Variants in POLD1 observed in about 807,000 individuals in gnomAD.
The protein encoded by POLD1 is DNA polymerase delta catalytic subunit.
POLD1 carries 79 observed loss-of-function variants against 129.7 expected under a neutral mutation model. The observed-to-expected ratio is 0.61, with a 90% CI of 0.51 to 0.73. The LOEUF (loss-of-function observed/expected upper bound fraction) is 0.73. Ranked by LOEUF, POLD1 falls within the 30% of genes least tolerant of loss-of-function variation. The pLI is 0.00. For synonymous variants in POLD1, 714 were observed against 683.3 expected, an observed-to-expected ratio of 1.04 and a Z score of -0.70; for missense variants, 1,338 against 1,595.8, an observed-to-expected ratio of 0.84 and a Z score of 2.75.
chr19:50,390,217 C>A (rs1340099456), intron 1 of POLD1, among the ~76,000 whole-genome samples: 1 of 150,162 alleles, frequency 6.7e-6, no homozygotes, highest in African/African-American at 2.5e-5. Flanking sequence ...CCAATAATTT[C>A]TTTTTTTCTT....
In POLD1 at chr19:50,402,329, G is replaced by A. The variant is rs149096523; in HGVS notation, c.714G>A (p.Thr238=). Residue 238 remains threonine (T), a synonymous_variant, in exon 6 of 27, where the codon ACG becomes ACA. Transcript: ENST00000440232. ...EQGIRVAGLG[T]PSFAPYEANV... is the part of the protein sequence containing the mutation. ...GCATCCGTGTGGCAGGCCTGGGCACGCCCAGCTTCGCGCCCTACGAGGCCA... is the reference window on the plus strand; with the variant it reads ...GCATCCGTGTGGCAGGCCTGGGCACACCCAGCTTCGCGCCCTACGAGGCCA... 4.1e-4 allele frequency: 657 copies of A among 1,610,868 alleles called. 1 individual carries two copies. Among genetic ancestry groups the A allele is most frequent in the Admixed American group, 5.3e-4 (32 of 59,848 alleles).
chr19:50,414,207 C>T (rs907995061), intron 19 of POLD1, among the ~76,000 whole-genome samples: 1 of 152,264 alleles, frequency 6.6e-6, no homozygotes, highest in Non-Finnish European at 1.5e-5. Flanking sequence ...TGCACCATTG[C>T]CCCTGGCCCT....
rs71182715 is a variant in POLD1 at position 50,400,133 on chromosome 19, ATTTTT to A, written c.316+673_316+677del. Among the ~76,000 whole-genome samples the A allele has an allele frequency of 1.5e-4, 7 of 48,154 alleles. No homozygotes were observed. In the South Asian group the frequency reaches 4.5e-3, roughly 31 times the overall value. 31.6% of individuals were successfully genotyped at this position (48,154 alleles called of 152,430 possible). ...CCAGCCCAATTTGACTTTTTAAAAGATTTTTTTTTTTTTTTTTTTTTTTTTTTTGA... is the reference window on the plus strand; with the variant it reads ...CCAGCCCAATTTGACTTTTTAAAAGATTTTTTTTTTTTTTTTTTTTTTTGA... On this transcript the variant is annotated intron_variant, in intron 3 of 26. Transcript: ENST00000440232.
Position 50,401,886 on chromosome 19 carries a change from A to G in POLD1, c.425A>G (p.His142Arg). ...GGGTTCTCTGTCTGCTGCCACATCC[A>G]CGGCTTCGCTCCCTACTTCTACACC... ...DEGFSVCCHI[H>R]GFAPYFYTPA... Residue 142 changes from histidine to arginine, a missense_variant, in exon 4 of 27, where the codon CAC becomes CGC. His to Arg is a conservative substitution (Grantham distance 29). Around this residue, in one of 3 missense-constraint regions of POLD1, gnomAD observed 332 missense variants for 315.7 expected, o/e 1.05. Coordinates refer to ENST00000440232, the MANE Select transcript of POLD1 (RefSeq NM_002691.4). 1.2e-6 allele frequency: 2 copies of G among 1,613,930 alleles called. No individual in the cohort carries two copies. Among genetic ancestry groups the G allele is most frequent in the Non-Finnish European group, 1.7e-6 (2 of 1,179,932 alleles).
chr19:50,417,682 ACCCCCC>A lies in POLD1; in HGVS notation c.3219-157_3219-152del, dbSNP rs1181000676. Among the ~76,000 whole-genome samples, 63 of 77,434 alleles carry A rather than the reference ACCCCCC, an allele frequency of 8.1e-4. 2 individuals are homozygous for A. In the East Asian group the frequency reaches 0.025, roughly 31 times the overall value. 50.8% of individuals were successfully genotyped at this position (77,434 alleles called of 152,430 possible). On this transcript the variant is annotated intron_variant, in intron 26 of 26. Coordinates refer to ENST00000440232, the MANE Select transcript of POLD1 (RefSeq NM_002691.4). Reference sequence around the variant, plus strand: ...CCGCTGTTATCGGCTCCCCCCCCCCACCCCCCCCGTGCCTGCTGAGCAAACAGCCCG... The same window carrying A: ...CCGCTGTTATCGGCTCCCCCCCCCCACCGTGCCTGCTGAGCAAACAGCCCG...
rs777260240 is a variant in POLD1, at chr19:50,401,863, G to A, written c.402G>A (p.Gly134=). ...VLRAFGVTDE[G]FSVCCHIHGF... ...GCGCCTTCGGGGTCACCGATGAGGG[G>A]TTCTCTGTCTGCTGCCACATCCACG... Residue 134 remains glycine (G), a synonymous_variant, in exon 4 of 27, where the codon GGG becomes GGA. Coordinates refer to ENST00000440232, the MANE Select transcript of POLD1 (RefSeq NM_002691.4). 6.2e-7 allele frequency: 1 copy of A among 1,613,892 alleles called. No homozygotes were observed. Among genetic ancestry groups the A allele is most frequent in the Non-Finnish European group, 8.5e-7 (1 of 1,179,972 alleles).
At chr19:50,388,661 G>T (rs2038048836) in intron 1 of POLD1, among the ~76,000 whole-genome samples, 1 of 152,072 alleles carries the variant, frequency 6.6e-6, no homozygotes, top group South Asian at 2.1e-4. Flanking sequence ...GAACAGCCAT[G>T]GCCCTTTGCC....
chr19:50,399,011 G>T lies in POLD1; in HGVS notation c.160G>T (p.Glu54Ter). 6.4e-7 allele frequency: 1 copy of T among 1,559,678 alleles called. No homozygotes were observed. The highest frequency in any genetic ancestry group is 2.4e-5 in the East Asian group (1 of 42,356). Residue 54 changes from glutamate (E) to a stop codon, truncating the protein, a stop_gained, in exon 2 of 27, where the codon GAG (glutamate) becomes TAG (stop). Coordinates refer to ENST00000440232, the MANE Select transcript of POLD1 (RefSeq NM_002691.4). LOFTEE classifies it high-confidence loss of function. ...MEAEHRLQEQ[E>*]EEELQSVLEG... ...GGCAGAACACAGGCTGCAGGAGCAG[G>T]AGGAGGAGGAGCTGCAGTCAGTCCT... is the stretch of plus-strand genomic sequence containing the variant.
At position 50,406,756 on chromosome 19, in the gene POLD1, C is replaced by T. The variant is rs532624330; in HGVS notation, c.1495-227C>T. 1.1e-4 allele frequency among the ~76,000 whole-genome samples: 17 copies of T among 152,246 alleles called. No individual in the cohort carries two copies. Among genetic ancestry groups the T allele is most frequent in the Non-Finnish European group, 2.2e-4 (15 of 68,002 alleles). On this transcript the variant is annotated intron_variant, in intron 12 of 26. Coordinates refer to ENST00000440232, the MANE Select transcript of POLD1 (RefSeq NM_002691.4). The surrounding 1 kb of genome is among the most constrained non-coding windows in gnomAD (Gnocchi z 5.5). ...CTTTCCTGGCCTGACCACAGGTCCA[C>T]GGTGGCCTTCAGGCTGCTCCCTCCT...
At chr19:50,390,132 C>G (rs2038105276) in intron 1 of POLD1, among the ~76,000 whole-genome samples, 1 of 152,044 alleles carries the variant, frequency 6.6e-6, no homozygotes, top group Admixed American at 6.6e-5. Context: ...TGGTCTCAAA[C>G]TCTTGACCTC....
rs1413272312 is a variant in POLD1 at position 50,402,215 on chromosome 19, G to A, written c.600G>A (p.Gly200=). The change falls in exon 6 of 27, where the codon GGG becomes GGA. Residue 200 remains glycine, a synonymous_variant. Coordinates refer to ENST00000440232, the MANE Select transcript of POLD1 (RefSeq NM_002691.4). ...TTCTTCCATCCACAGGCATGTTTGG[G>A]TACCACGGGCACGGCCCCTCCCCGT... The part of the protein sequence containing the change: ...VELCSRESMF[G]YHGHGPSPFL... 1.3e-6 allele frequency: 2 copies of A among 1,584,248 alleles called. No individual in the cohort carries two copies.
At chr19:50,414,174 G>C (rs1355285079) in intron 19 of POLD1, among the ~76,000 whole-genome samples, 1 of 152,260 alleles carries the variant, frequency 6.6e-6, no homozygotes, top group Non-Finnish European at 1.5e-5. Context: ...CAGGGACCCT[G>C]ATGGGGGTGC....
rs2038876789 is a variant in POLD1, at chr19:50,406,289, C to T, written c.1350C>T (p.Ser450=). Residue 450 remains serine, a synonymous_variant, in exon 11 of 27, where the codon AGC becomes AGT. Transcript: ENST00000440232. The surrounding 1 kb of genome is among the most constrained non-coding windows in gnomAD (Gnocchi z 5.5). ...GCCGGCGGGACACCAAGGTTGTCAG[C>T]ATGGTGGGCCGCGTGCAGATGGACA... ...QTGRRDTKVV[S]MVGRVQMDML... The T allele has an allele frequency of 3.1e-6, 5 of 1,614,030 alleles. No homozygotes were observed. The highest frequency in any genetic ancestry group is 4.2e-6 in the Non-Finnish European group (5 of 1,179,994).
chr19:50,400,370 G>A (rs531468533), intron 3 of POLD1, among the ~76,000 whole-genome samples: 127 of 149,014 alleles, frequency 8.5e-4, no homozygotes, highest in Non-Finnish European at 1.2e-3. Flanking sequence ...ACAGGCGCCC[G>A]CCATCACGCC....
chr19:50,411,547 A>G (rs2039088178), intron 17 of POLD1, among the ~76,000 whole-genome samples: 1 of 152,258 alleles, frequency 6.6e-6, no homozygotes, highest in Non-Finnish European at 1.5e-5. Flanking sequence ...AATAATAAAA[A>G]TGCAATGAAT....
rs1472994995 is a variant in POLD1 at position 50,413,825 on chromosome 19, C to T, written c.2334C>T (p.Ala778=). The part of the protein sequence containing the change: ...VAEAMALGRE[A]ADWVSGHFPS... ...AGGCGATGGCCCTGGGGCGGGAGGC[C>T]GCGGACTGGGTGTCAGGTCACTTCC... Residue 778 remains alanine, a synonymous_variant, in exon 19 of 27, where the codon GCC becomes GCT. Transcript: ENST00000440232. 12 of 1,612,332 alleles carry T rather than the reference C, an allele frequency of 7.4e-6. No individual in the cohort carries two copies. Among genetic ancestry groups the T allele is most frequent in the South Asian group, 2.2e-5 (2 of 90,960 alleles).
Position 50,409,148 on chromosome 19 carries a change from C to T in POLD1, c.1919C>T (p.Thr640Ile), listed in dbSNP as rs771527077. 1 of 1,612,866 alleles carries T rather than the reference C, an allele frequency of 6.2e-7. No individual in the cohort carries two copies. The highest frequency in any genetic ancestry group is 8.5e-7 in the Non-Finnish European group (1 of 1,178,996). ...CTGACTGAGGATCAGTTCATCAGGACCCCCACCGGGGACGAGTTTGTGAAG... is the reference window on the plus strand; with the variant it reads ...CTGACTGAGGATCAGTTCATCAGGATCCCCACCGGGGACGAGTTTGTGAAG... ...LGLTEDQFIR[T>I]PTGDEFVKTS... The change falls in exon 16 of 27, where the codon ACC (threonine) becomes ATC (isoleucine). Residue 640 changes from threonine (T) to isoleucine (I), a missense_variant. Physicochemically the swap from Thr to Ile is moderately conservative, Grantham distance 89 (BLOSUM62 -1). This residue lies in a region of POLD1 where 720 missense variants were observed against 1,002.6 expected (regional missense o/e 0.72). Transcript: ENST00000440232. The surrounding 1 kb of genome is among the most constrained non-coding windows in gnomAD (Gnocchi z 5.8).
intron 17 of POLD1, among the ~76,000 whole-genome samples, chr19:50,412,180 T>C (rs2039109261): frequency 1.3e-5 from 2 of 152,010 alleles, no homozygotes; most frequent in Admixed American, 1.3e-4. Context: ...TGAGATGGAG[T>C]CTTGCTCTGT....
chr19:50,392,680 T>C (rs1459198994), intron 1 of POLD1, among the ~76,000 whole-genome samples: 1 of 152,220 alleles, frequency 6.6e-6, no homozygotes, highest in Admixed American at 6.5e-5. Context: ...TTTCACCATG[T>C]TGGTCAGGCT....
Sources: gnomAD v4.1 joint callset for allele counts (sites outside exome capture counted in the v4.1 genomes callset) on GRCh38, gnomAD v4.1.1 for gene constraint, gnomAD v4.1.1 regional missense constraint, Gnocchi (gnomAD v3.1) non-coding constraint, MANE v1.5 for transcripts, NCBI Gene and HGNC (gene_info 2026-07-23, HGNC 2026-07-21) for gene names.